Variants in NUMB observed in about 807,000 individuals in gnomAD.
NUMB encodes the protein NUMB endocytic adaptor protein.
Under a neutral mutation model 59.7 loss-of-function variants are expected in NUMB, and 29 were observed. The ratio of observed to expected loss-of-function variants is 0.49; its 90% CI spans 0.36 to 0.66. The LOEUF (loss-of-function observed/expected upper bound fraction) is 0.66, where lower values mean the gene tolerates loss of function less well. NUMB is among the 30% of genes least tolerant of loss of function. The pLI, the probability that NUMB is intolerant of heterozygous loss-of-function variation, is 0.00. For missense variants in NUMB, 723 were observed against 822.0 expected (o/e 0.88, Z 1.47); for synonymous variants, 288 against 288.2 (o/e 1.00, Z 0.01).
intron 4 of NUMB, among the ~76,000 whole-genome samples, chr14:73,335,026 G>C (rs1287817607): frequency 6.6e-6 from 1 of 151,208 alleles, no homozygotes; most frequent in African/African-American, 2.4e-5. Flanking sequence ...CTGTGGTTGG[G>C]TCTCCCCACT....
In NUMB at chr14:73,278,884, C is replaced by T. The variant is rs574611290; in HGVS notation, c.1240+397G>A. On this transcript the variant is annotated intron_variant, in intron 12 of 12. Transcript: ENST00000555238. ...CTGGGACTATATGCGCATGCCACCG[C>T]GCCTGGCTAATTTTTGTATTTTTAG... Among the ~76,000 whole-genome samples, 33 of 151,958 alleles carry T rather than the reference C, an allele frequency of 2.2e-4. 2 individuals are homozygous for T. Among genetic ancestry groups the T allele is most frequent in the South Asian group, 1.9e-3 (9 of 4,818 alleles).
chr14:73,308,454 C>A (rs1263433041), intron 6 of NUMB, among the ~76,000 whole-genome samples: 1 of 152,128 alleles, frequency 6.6e-6, no homozygotes, highest in East Asian at 1.9e-4. Flanking sequence ...ATGATATTGA[C>A]ACCTATCTAC....
Position 73,276,109 on chromosome 14 carries a change from T to C in NUMB, c.*469A>G, listed in dbSNP as rs1462794004. The C allele has an allele frequency of 6.5e-6, 1 of 154,882 alleles. No individual in the cohort carries two copies. Among genetic ancestry groups the C allele is most frequent in the Non-Finnish European group, 1.4e-5 (1 of 69,528 alleles). The allele number at this position is 154,882 out of a possible 1,614,324, so 9.6% of individuals were successfully genotyped here. A position where few individuals can be genotyped will look rare whatever the true frequency, so the allele number is the denominator to read the frequency against. Reference sequence around the variant, plus strand: ...TGCCCTCCTGGGAATTCTGGCAGCATAGCGTGCCTCTCTGTTCCCCAGCCT... The same window carrying C: ...TGCCCTCCTGGGAATTCTGGCAGCACAGCGTGCCTCTCTGTTCCCCAGCCT... On this transcript the variant is annotated 3_prime_UTR_variant, in exon 13 of 13. Coordinates refer to ENST00000555238, the MANE Select transcript of NUMB (RefSeq NM_001005743.2).
intron 1 of NUMB, among the ~76,000 whole-genome samples, chr14:73,443,802 C>A (rs1287337755): frequency 6.6e-6 from 1 of 151,970 alleles, no homozygotes; most frequent in Non-Finnish European, 1.5e-5. Flanking sequence ...AGACGCCCAC[C>A]ACCAAGCCCA....
intron 4 of NUMB, among the ~76,000 whole-genome samples, chr14:73,340,527 G>A (rs8018050): frequency 0.22 from 33,086 of 152,154 alleles, 3,915 homozygotes; most frequent in Non-Finnish European, 0.24. Context: ...CCACTAGGAT[G>A]TAAGCGTAGT....
In NUMB at chr14:73,276,785, G is replaced by C. The variant is rs768611398; in HGVS notation, c.1749C>G (p.Leu583=). The C allele has an allele frequency of 3.1e-6, 5 of 1,614,088 alleles. No homozygotes were observed. In the African/African-American group the frequency reaches 4.0e-5, roughly 13 times the overall value. ...CACCATTGAAAGCTGCAGAACCGTT[G>C]AGGTGCTGAGCAGGAGGCTTAAAGA... is the stretch of plus-strand genomic sequence containing the variant. ...SPFFKPPAQH[L]NGSAAFNGVD... The change falls in exon 13 of 13, where the codon CTC becomes CTG. Residue 583 remains leucine (L), a synonymous_variant. Transcript: ENST00000555238.
chr14:73,398,409 AGAGAGAGTGTGTGTGTGTGT>A (rs1487488129), intron 2 of NUMB, among the ~76,000 whole-genome samples: 194 of 120,232 alleles, frequency 1.6e-3, no homozygotes, highest in African/African-American at 5.4e-3. Context: ...AGAGAGAGAG[AGAGAGAGTGTGTGTGTGTGT>A]GTGTGTGTGT....
At position 73,287,209 on chromosome 14, in the gene NUMB, G is replaced by A. The variant is rs774977378; in HGVS notation, c.556C>T (p.Arg186Trp). The change falls in exon 9 of 13, where the codon CGG (arginine) becomes TGG (tryptophan). Residue 186 changes from arginine (R) to tryptophan (W), a missense_variant. Coordinates refer to ENST00000555238, the MANE Select transcript of NUMB (RefSeq NM_001005743.2). ...CGVTATFDAS[R>W]TTFTREGSFR... ...GATCCTTCTCTTGTAAAAGTGGTCC[G>A]ACTAGCATCAAAAGTAGCAGTCACT... 24 of 1,613,574 alleles carry A rather than the reference G, an allele frequency of 1.5e-5. No individual in the cohort carries two copies. Among genetic ancestry groups the A allele is most frequent in the East Asian group, 2.2e-5 (1 of 44,836 alleles).
At chr14:73,446,513 G>A (rs1178476853) in intron 1 of NUMB, among the ~76,000 whole-genome samples, 1 of 151,550 alleles carries the variant, frequency 6.6e-6, no homozygotes, top group Admixed American at 6.6e-5. Flanking sequence ...GGCTGAGGAG[G>A]AGAATCACTT....
At chr14:73,354,893 A>G (rs1893698605) in intron 4 of NUMB, among the ~76,000 whole-genome samples, 1 of 151,390 alleles carries the variant, frequency 6.6e-6, no homozygotes, top group South Asian at 2.1e-4. Context: ...ATATCAAACT[A>G]CAATTTTTCC....
chr14:73,408,092 T>C (rs1896754147), intron 2 of NUMB, among the ~76,000 whole-genome samples: 1 of 152,038 alleles, frequency 6.6e-6, no homozygotes, highest in African/African-American at 2.4e-5. Context: ...CTGGGCATAG[T>C]GGCACATGCC....
chr14:73,360,400 A>G (rs1255898431), intron 3 of NUMB, among the ~76,000 whole-genome samples: 1 of 152,148 alleles, frequency 6.6e-6, no homozygotes, highest in Non-Finnish European at 1.5e-5. Context: ...TACTAAAAAT[A>G]CAAAAAAATT....
Position 73,350,070 on chromosome 14 carries a change from T to TACACACACACACACACAC in NUMB, c.126+5555_126+5556insGTGTGTGTGTGTGTGTGT, listed in dbSNP as rs765736029. Among the ~76,000 whole-genome samples the TACACACACACACACACAC allele has an allele frequency of 5.8e-3, 644 of 110,140 alleles. 6 individuals are homozygous for TACACACACACACACACAC. The highest frequency in any genetic ancestry group is 0.021 in the South Asian group (77 of 3,682). 72.3% of individuals were successfully genotyped at this position (110,140 alleles called of 152,430 possible). On this transcript the variant is annotated intron_variant, in intron 4 of 12. Transcript: ENST00000555238. The stretch of plus-strand genomic sequence containing the variant: ...ATACATACATACATATATACATACA[T>TACACACACACACACACAC]ACATACATACACACACACACACACA...
At chr14:73,280,139 A>G (rs10151024) in intron 11 of NUMB, among the ~76,000 whole-genome samples, 38,498 of 151,680 alleles carry the variant, frequency 0.25, 5,678 homozygotes, top group East Asian at 0.67. Flanking sequence ...CCTGGGCAAC[A>G]GAGTAAGACT....
intron 4 of NUMB, among the ~76,000 whole-genome samples, chr14:73,352,510 ATATATATATATATATATATGTTT>A (rs1893425391): frequency 1.6e-4 from 2 of 12,422 alleles, no homozygotes; most frequent in Non-Finnish European, 2.4e-4. Flanking sequence ...ATATATATAT[ATATATATATATATATATATGTTT>A]TTTTTTTTTT....
intron 6 of NUMB, among the ~76,000 whole-genome samples, chr14:73,300,258 A>AGG (rs1890059478): frequency 1.3e-5 from 2 of 152,280 alleles, no homozygotes; most frequent in African/African-American, 4.8e-5. Context: ...GCTAGAATAC[A>AGG]AGTTTTAGAC....
chr14:73,289,474 A>C (rs1197176874), intron 8 of NUMB, among the ~76,000 whole-genome samples: 2 of 152,188 alleles, frequency 1.3e-5, no homozygotes, highest in East Asian at 3.8e-4. Context: ...GTGAGAAGAG[A>C]TATTTGGGAA....
chr14:73,395,730 G>A (rs1896098095), intron 2 of NUMB, among the ~76,000 whole-genome samples: 1 of 152,120 alleles, frequency 6.6e-6, no homozygotes, highest in Admixed American at 6.5e-5. Context: ...TTCACATAGG[G>A]ATTAAAAGTA....
Position 73,276,807 on chromosome 14 carries a change from A to T in NUMB, c.1727T>A (p.Phe576Tyr). 1 of 1,613,878 alleles carries T rather than the reference A, an allele frequency of 6.2e-7. No homozygotes were observed. The highest frequency in any genetic ancestry group is 2.2e-5 in the East Asian group (1 of 44,628). Residue 576 changes from phenylalanine (F) to tyrosine (Y), a missense_variant, in exon 13 of 13, where the codon TTT (phenylalanine) becomes TAT (tyrosine). Phe to Tyr is a conservative substitution (Grantham distance 22). This residue lies in a region of NUMB where 406 missense variants were observed against 385.4 expected (regional missense o/e 1.05). Coordinates refer to ENST00000555238, the MANE Select transcript of NUMB (RefSeq NM_001005743.2). ...GTTGAGGTGCTGAGCAGGAGGCTTAAAGAAGGGACTGGTGGTAGCACTGCT... is the reference window on the plus strand; with the variant it reads ...GTTGAGGTGCTGAGCAGGAGGCTTATAGAAGGGACTGGTGGTAGCACTGCT... Reference protein sequence around the residue: ...EASSATTSPFFKPPAQHLNGS... With the variant: ...EASSATTSPFYKPPAQHLNGS...
Sources: allele counts gnomAD v4.1 joint callset (sites outside exome capture counted in the v4.1 genomes callset), GRCh38; gene constraint gnomAD v4.1.1; regional missense constraint gnomAD v4.1.1; transcripts MANE v1.5; gene names NCBI Gene and HGNC (gene_info 2026-07-23, HGNC 2026-07-21).